Variants in ETV5 observed in about 807,000 individuals in gnomAD.
ETV5 encodes the protein ETS translocation variant 5.
Under a neutral mutation model 70.0 loss-of-function variants are expected in ETV5, and 10 were observed. The ratio of observed to expected loss-of-function variants is 0.14; its 90% CI spans 0.09 to 0.24. The LOEUF is 0.24. Ranked by LOEUF, ETV5 falls within the 10% of genes least tolerant of loss-of-function variation. The pLI is 1.00. For synonymous variants in ETV5, 216 were observed against 242.2 expected (o/e 0.89, Z 1.01); for missense variants, 453 against 651.2 (o/e 0.70, Z 3.31).
chr3:186,094,434 T>C (rs1477841406), intron 5 of ETV5, among the ~76,000 whole-genome samples: 4 of 152,188 alleles, frequency 2.6e-5, no homozygotes, highest in Non-Finnish European at 5.9e-5. Flanking sequence ...CCAATGGTAG[T>C]AGAGTGATTT....
chr3:186,090,075 A>G (rs956990801), intron 5 of ETV5, among the ~76,000 whole-genome samples: 1 of 152,178 alleles, frequency 6.6e-6, no homozygotes, highest in Non-Finnish European at 1.5e-5. Context: ...TAAAACAGCT[A>G]TTATGTCCCA....
chr3:186,079,014 T>C, intron 7 of ETV5: 1 of 1,054,846 alleles, frequency 9.5e-7, no homozygotes, highest in Non-Finnish European at 1.1e-6. Flanking sequence ...TAACACAAGA[T>C]AGATAGATAT....
chr3:186,051,504 G>T (rs1165555475), intron 12 of ETV5, among the ~76,000 whole-genome samples: 4 of 152,218 alleles, frequency 2.6e-5, no homozygotes, highest in Non-Finnish European at 5.9e-5. Flanking sequence ...CCTGCTACCA[G>T]GTGACTCTGC....
chr3:186,073,895 A>G (rs941169410), intron 7 of ETV5, among the ~76,000 whole-genome samples: 5 of 152,240 alleles, frequency 3.3e-5, no homozygotes, highest in African/African-American at 1.2e-4. Context: ...GAGAAATTTT[A>G]TATGGTTTTG....
intron 5 of ETV5, among the ~76,000 whole-genome samples, chr3:186,091,800 T>C (rs1048402928): frequency 6.6e-6 from 1 of 152,214 alleles, no homozygotes; most frequent in Non-Finnish European, 1.5e-5. Flanking sequence ...TAGGGTTACA[T>C]TGGTATAGGA....
chr3:186,083,943 G>A (rs1273854693), intron 5 of ETV5, among the ~76,000 whole-genome samples: 3 of 152,198 alleles, frequency 2.0e-5, no homozygotes, highest in Admixed American at 1.3e-4. Flanking sequence ...GGGACTAGAG[G>A]ATGTGTGAAG....
chr3:186,101,844 C>G (rs1285132394), intron 5 of ETV5, among the ~76,000 whole-genome samples: 1 of 152,198 alleles, frequency 6.6e-6, no homozygotes, highest in Non-Finnish European at 1.5e-5. Flanking sequence ...AAAGGACATC[C>G]AACTCAAGCA....
chr3:186,064,641 T>A (rs1713392181), intron 8 of ETV5, 165 bp from the exon 9 acceptor site: 3 of 669,948 alleles, frequency 4.5e-6, no homozygotes, highest in Non-Finnish European at 8.0e-6. Flanking sequence ...ATAAGCAAGA[T>A]GGCAAACACC....
intron 7 of ETV5, among the ~76,000 whole-genome samples, chr3:186,074,961 T>A (rs957951007): frequency 6.6e-6 from 1 of 151,482 alleles, no homozygotes; most frequent in Admixed American, 6.6e-5. Context: ...ATTAAGAAAT[T>A]AAAGGAGAAA....
At chr3:186,080,775 C>G (rs1247850467) in intron 6 of ETV5, 1 of 269,838 alleles carries the variant, frequency 3.7e-6, no homozygotes, top group Non-Finnish European at 7.1e-6. Flanking sequence ...TCAAGTATCC[C>G]AGGATTGAGA....
At chr3:186,082,428 CT>C (rs1003609474) in intron 5 of ETV5, among the ~76,000 whole-genome samples, 19,777 of 139,558 alleles carry the variant, frequency 0.14, 1,207 homozygotes, top group African/African-American at 0.18. Flanking sequence ...TCACTTTTCT[CT>C]TTTTTTTTTT....
intron 5 of ETV5, among the ~76,000 whole-genome samples, chr3:186,086,325 T>TC (rs1714057806): frequency 6.6e-6 from 1 of 152,240 alleles, no homozygotes; most frequent in Non-Finnish European, 1.5e-5. Context: ...GTTGCTTTTC[T>TC]TATTAGACTA....
At position 186,048,750 on chromosome 3, in the gene ETV5, G is replaced by A. The variant is rs766518204; in HGVS notation, c.1422C>T (p.His474=). ...RPFLKAESEC[H]LSEEDTLPLT... Reference sequence around the variant, plus strand: ...GCGGCAGGGTGTCCTCCTCGCTGAGGTGGCACTCGGACTCTGCCTTCAGGA... The same window carrying A: ...GCGGCAGGGTGTCCTCCTCGCTGAGATGGCACTCGGACTCTGCCTTCAGGA... The change falls in exon 13 of 13, where the codon CAC becomes CAT. Residue 474 remains histidine, a synonymous_variant. Coordinates refer to ENST00000306376, the MANE Select transcript of ETV5 (RefSeq NM_004454.3). The A allele has an allele frequency of 1.4e-5, 23 of 1,614,162 alleles. 1 individual carries two copies. The South Asian group carries it at 2.2e-4, about 15-fold the overall frequency.
chr3:186,078,976 C>T lies in ETV5; in HGVS notation c.650+841G>A, dbSNP rs7430047. On this transcript the variant is annotated intron_variant, in intron 7 of 12. Transcript: ENST00000306376. ...ACTCATATATTCTTCCCACTCCCGCCCCATTGTGGCCCCCACACCGATCCA... is the reference window on the plus strand; with the variant it reads ...ACTCATATATTCTTCCCACTCCCGCTCCATTGTGGCCCCCACACCGATCCA... The T allele has an allele frequency of 0.042, 35,885 of 849,396 alleles. 3,804 individuals carry two copies. The East Asian group carries it at 0.54, about 13-fold the overall frequency. 52.6% of individuals were successfully genotyped at this position (849,396 alleles called of 1,614,324 possible).
intron 9 of ETV5, among the ~76,000 whole-genome samples, chr3:186,062,109 T>A (rs1205983227): frequency 6.6e-6 from 1 of 152,218 alleles, no homozygotes; most frequent in Non-Finnish European, 1.5e-5. Flanking sequence ...AAGTACCCAC[T>A]TTTCAGCAAT....
chr3:186,076,391 C>T (rs915108614), intron 7 of ETV5: 1 of 195,878 alleles, frequency 5.1e-6, no homozygotes, highest in African/African-American at 2.3e-5. Flanking sequence ...CTGTTTCTGA[C>T]CCCTGGGCCA....
intron 8 of ETV5, chr3:186,064,693 C>T (rs1713397771): frequency 1.9e-6 from 1 of 535,530 alleles, no homozygotes; most frequent in Middle Eastern, 4.8e-4. Flanking sequence ...AATCAAGAGT[C>T]ACGGGAGGAA....
chr3:186,080,996 T>C (rs1272300118), intron 6 of ETV5, 50 bp downstream of exon 6: 2 of 1,562,626 alleles, frequency 1.3e-6, no homozygotes, highest in Non-Finnish European at 1.7e-6. Context: ...TGATGGCTAC[T>C]TCCAGAGCCT....
intron 5 of ETV5, chr3:186,084,197 A>G: frequency 2.2e-6 from 1 of 453,914 alleles, no homozygotes; most frequent in Non-Finnish European, 4.4e-6. Flanking sequence ...CTAAATGATG[A>G]CAGAGACCCA....
Sources: allele counts gnomAD v4.1 joint callset (sites outside exome capture counted in the v4.1 genomes callset), GRCh38; gene constraint gnomAD v4.1.1; transcripts MANE v1.5; gene names NCBI Gene and HGNC (gene_info 2026-07-23, HGNC 2026-07-21).